Variants in RBBP5 observed in about 807,000 individuals in gnomAD.
RBBP5 encodes retinoblastoma-binding protein 5.
RBBP5 carries 5 observed loss-of-function variants against 72.2 expected under a neutral mutation model. The ratio of observed to expected loss-of-function variants is 0.07; its 90% CI spans 0.04 to 0.15. The LOEUF (loss-of-function observed/expected upper bound fraction) is 0.15, where lower values mean the gene tolerates loss of function less well. RBBP5 is among the 10% of genes least tolerant of loss of function. RBBP5 has a pLI of 1.00. For synonymous variants in RBBP5, 209 were observed against 237.2 expected (o/e 0.88, Z 1.09); for missense variants, 322 against 652.2 (o/e 0.49, Z 5.51).
chr1:205,089,480 T>C (rs2151212024), intron 13 of RBBP5, among the ~76,000 whole-genome samples: 1 of 152,254 alleles, frequency 6.6e-6, no homozygotes, highest in South Asian at 2.1e-4. Flanking sequence ...AACTAGGAAG[T>C]GTAAAAAGAG....
intron 3 of RBBP5, among the ~76,000 whole-genome samples, chr1:205,111,107 T>C (rs1656296803): frequency 2.0e-5 from 3 of 152,200 alleles, no homozygotes; most frequent in Admixed American, 2.0e-4. Context: ...TAATCAAGTA[T>C]AGGTTTTGTG....
At chr1:205,101,894 CTTT>C (rs10562809) in intron 5 of RBBP5, among the ~76,000 whole-genome samples, 185 bp from the exon 6 acceptor site, 112 of 119,714 alleles carry the variant, frequency 9.4e-4, no homozygotes, top group Admixed American at 8.2e-4. Flanking sequence ...TTAATCTAGT[CTTT>C]TTTTTTTTTT....
chr1:205,093,497 T>A (rs1558570327), intron 13 of RBBP5, among the ~76,000 whole-genome samples: 196 of 3,042 alleles, frequency 0.064, 69 homozygotes, highest in Admixed American at 0.19. Flanking sequence ...TATATATATA[T>A]ATATATATAT....
At chr1:205,101,489 C>G in intron 6 of RBBP5, 111 bp downstream of exon 6, 1 of 701,328 alleles carries the variant, frequency 1.4e-6, no homozygotes, top group Non-Finnish European at 2.2e-6. Flanking sequence ...ACCTTAAGTA[C>G]ATTTTTAAAA....
Position 205,095,031 on chromosome 1 carries a change from C to A in RBBP5, c.1430G>T (p.Gly477Val), listed in dbSNP as rs1328590859. 1 of 1,614,084 alleles carries A rather than the reference C, an allele frequency of 6.2e-7. No individual in the cohort carries two copies. Among genetic ancestry groups the A allele is most frequent in the Non-Finnish European group, 8.5e-7 (1 of 1,180,020 alleles). The change falls in exon 13 of 14, where the codon GGC becomes GTC. Residue 477 changes from glycine (G) to valine (V), a missense_variant. Around this residue, in one of 6 missense-constraint regions of RBBP5, gnomAD observed 109 missense variants for 146.3 expected, o/e 0.75. Transcript: ENST00000264515. ...GCCTGCTTGCTTCTTCTTGGATTTG[C>A]CATCCCCCTTCACACCCAGTAGTGG... Reference protein sequence around the residue: ...VHPLLGVKGDGKSKKKQAGRP... With the variant: ...VHPLLGVKGDVKSKKKQAGRP...
chr1:205,105,902 A>T (rs1198679833), intron 3 of RBBP5, among the ~76,000 whole-genome samples: 13 of 152,244 alleles, frequency 8.5e-5, no homozygotes, highest in Non-Finnish European at 1.9e-4. Context: ...ACATCACAGA[A>T]AAGAAATGCA....
At chr1:205,103,614 G>T (rs577395881) in intron 5 of RBBP5, among the ~76,000 whole-genome samples, 1 of 152,196 alleles carries the variant, frequency 6.6e-6, no homozygotes, top group East Asian at 1.9e-4. Flanking sequence ...TTTCATAATG[G>T]CCCTTCATTA....
intron 3 of RBBP5, among the ~76,000 whole-genome samples, chr1:205,105,582 GAGAA>G (rs775929361): frequency 2.6e-5 from 4 of 152,290 alleles, no homozygotes; most frequent in Non-Finnish European, 5.9e-5. Context: ...TAAAAGAACT[GAGAA>G]AGAATTAATT....
rs370899807 is a variant in RBBP5 at position 205,115,804 on chromosome 1, T to C, written c.45+54A>G. 1.9e-4 allele frequency: 290 copies of C among 1,508,662 alleles called. 1 individual carries two copies. The Middle Eastern group carries it at 3.2e-3, about 17-fold the overall frequency. The allele number at this position is 1,508,662 out of a possible 1,614,324, so 93.5% of individuals were successfully genotyped here. Reference sequence around the variant, plus strand: ...TCAAAAAGTATTTTCTGTTCTAACATAAACACCCAGAAGTTACTATGTTCC... The same window carrying C: ...TCAAAAAGTATTTTCTGTTCTAACACAAACACCCAGAAGTTACTATGTTCC... On this transcript the variant is annotated intron_variant, in intron 2 of 13. Coordinates refer to ENST00000264515, the MANE Select transcript of RBBP5 (RefSeq NM_005057.4).
intron 13 of RBBP5, among the ~76,000 whole-genome samples, chr1:205,092,911 T>C (rs569177671): frequency 1.3e-5 from 2 of 152,358 alleles, no homozygotes; most frequent in South Asian, 2.1e-4. Context: ...TGATTAGGGA[T>C]AGACACGTTT....
intron 3 of RBBP5, among the ~76,000 whole-genome samples, chr1:205,109,923 G>A (rs1656239094): frequency 6.6e-6 from 1 of 151,998 alleles, no homozygotes; most frequent in Admixed American, 6.6e-5. Flanking sequence ...GCTCTCTCCT[G>A]GGCAGTCAAT....
chr1:205,089,898 C>A (rs1398112773), intron 13 of RBBP5, among the ~76,000 whole-genome samples: 4 of 152,174 alleles, frequency 2.6e-5, no homozygotes, highest in African/African-American at 4.8e-5. Flanking sequence ...GTTGCCCAGG[C>A]TGGATTGCAA....
chr1:205,100,347 A>C (rs1655770691), intron 6 of RBBP5, 76 bp from the exon 7 acceptor site: 1 of 1,529,754 alleles, frequency 6.5e-7, no homozygotes, highest in Non-Finnish European at 8.8e-7. Context: ...CTAATAAACT[A>C]GGGAAGAATT....
In RBBP5 at chr1:205,086,803, A is replaced by G. The variant is rs890184214; in HGVS notation, c.*1984T>C. 3.9e-5 allele frequency: 6 copies of G among 152,268 alleles called. No individual in the cohort carries two copies. The highest frequency in any genetic ancestry group is 1.4e-4 in the African/African-American group (6 of 41,454). The allele number at this position is 152,268 out of a possible 1,614,324, so 9.4% of individuals were successfully genotyped here. On this transcript the variant is annotated 3_prime_UTR_variant, in exon 14 of 14. Transcript: ENST00000264515. Reference sequence around the variant, plus strand: ...AACATCCAAATGCACAGGCAGAGGAAACCAAGCTACTTCACACGTGGAAAG... The same window carrying G: ...AACATCCAAATGCACAGGCAGAGGAGACCAAGCTACTTCACACGTGGAAAG...
intron 3 of RBBP5, among the ~76,000 whole-genome samples, chr1:205,108,206 G>A (rs1305651853): frequency 6.6e-6 from 1 of 150,984 alleles, no homozygotes; most frequent in Admixed American, 6.6e-5. Flanking sequence ...TCGCAGCATT[G>A]CACTCCAGCC....
intron 13 of RBBP5, among the ~76,000 whole-genome samples, chr1:205,094,173 TCAAA>T (rs1655523032): frequency 6.6e-6 from 1 of 152,166 alleles, no homozygotes; most frequent in South Asian, 2.1e-4. Context: ...GTGAGAAAAC[TCAAA>T]TATTATGTAT....
At chr1:205,107,704 G>C (rs1482549998) in intron 3 of RBBP5, among the ~76,000 whole-genome samples, 1 of 151,566 alleles carries the variant, frequency 6.6e-6, no homozygotes, top group African/African-American at 2.4e-5. Context: ...CCAGTACTTT[G>C]GGAGGCCAAG....
chr1:205,107,670 G>A (rs1331419891), intron 3 of RBBP5, among the ~76,000 whole-genome samples: 1 of 152,206 alleles, frequency 6.6e-6, no homozygotes, highest in Admixed American at 6.5e-5. Context: ...TCTAAGCCAG[G>A]TGCGGTGGCT....
At chr1:205,103,689 A>G (rs1655937598) in intron 5 of RBBP5, among the ~76,000 whole-genome samples, 168 bp downstream of exon 5, 1 of 152,214 alleles carries the variant, frequency 6.6e-6, no homozygotes, top group Non-Finnish European at 1.5e-5. Flanking sequence ...CTCTAAATCC[A>G]AAGAACAAAA....
Sources: gnomAD v4.1 joint callset for allele counts (sites outside exome capture counted in the v4.1 genomes callset) on GRCh38, gnomAD v4.1.1 for gene constraint, gnomAD v4.1.1 regional missense constraint, MANE v1.5 for transcripts, NCBI Gene and HGNC (gene_info 2026-07-23, HGNC 2026-07-21) for gene names.